ASB2: variants seen among roughly 807,000 people sequenced by gnomAD.
The protein encoded by ASB2 is ankyrin repeat and SOCS box containing 2.
A neutral mutation model predicts 62.4 loss-of-function variants in ASB2; 58 were observed. The observed-to-expected ratio is 0.93, with a 90% CI of 0.75 to 1.16. ASB2 has a LOEUF of 1.16. Ranked by LOEUF, ASB2 falls within the 50% of genes most tolerant of loss-of-function variation. ASB2 has a pLI of 0.00. For missense variants in ASB2, 928 were observed against 887.9 expected (o/e 1.05, Z -0.57); for synonymous variants, 386 against 385.3 (o/e 1.00, Z -0.02).
At chr14:93,964,016 C>G (rs1299568211) in intron 2 of ASB2, among the ~76,000 whole-genome samples, 2 of 152,152 alleles carry the variant, frequency 1.3e-5, no homozygotes, top group Non-Finnish European at 2.9e-5. Flanking sequence ...ATCTCGGCAG[C>G]ATTATCTACT....
chr14:93,936,602 A>T (rs1888278681), intron 9 of ASB2, among the ~76,000 whole-genome samples: 1 of 152,256 alleles, frequency 6.6e-6, no homozygotes, highest in South Asian at 2.1e-4. Context: ...AAAGGCTTCA[A>T]TTCAAGTGGC....
At position 93,957,197 on chromosome 14, in the gene ASB2, C is replaced by T. The variant is rs1296948275; in HGVS notation, c.207-327G>A. The T allele has an allele frequency of 9.1e-6, 12 of 1,313,020 alleles. No homozygotes were observed. In the Admixed American group the frequency reaches 1.1e-4, roughly 12 times the overall value. The allele number at this position is 1,313,020 out of a possible 1,614,324, so 81.3% of individuals were successfully genotyped here. A position where few individuals can be genotyped will look rare whatever the true frequency, so the allele number is the denominator to read the frequency against. ...AGATAGGAAGCAAGGTGACATTCTTCACCCAGGAGGATGTGAGCCGTGGTC... is the reference window on the plus strand; with the variant it reads ...AGATAGGAAGCAAGGTGACATTCTTTACCCAGGAGGATGTGAGCCGTGGTC... On this transcript the variant is annotated intron_variant, in intron 2 of 9. Coordinates refer to ENST00000555019, the MANE Select transcript of ASB2 (RefSeq NM_001202429.2).
At chr14:93,958,134 C>G (rs1031289711) in intron 2 of ASB2, among the ~76,000 whole-genome samples, 1 of 152,310 alleles carries the variant, frequency 6.6e-6, no homozygotes, top group East Asian at 1.9e-4. Flanking sequence ...TGCCTGCAGG[C>G]CTGGCTGCCT....
intron 2 of ASB2, among the ~76,000 whole-genome samples, chr14:93,962,316 G>A (rs1031112326): frequency 9.9e-5 from 15 of 151,776 alleles, no homozygotes; most frequent in African/African-American, 2.2e-4. Context: ...GGGTTTCACC[G>A]TTTTAGCCGG....
chr14:93,953,321 A>G (rs1364025968), intron 5 of ASB2, 31 bp downstream of exon 5: 8 of 1,513,026 alleles, frequency 5.3e-6, no homozygotes, highest in African/African-American at 2.8e-5. Context: ...ATTCTTCCGC[A>G]GGAAAGCTCA....
In ASB2 at chr14:93,953,495, G is replaced by A; in HGVS notation, c.491C>T (p.Thr164Ile). 1 of 1,590,376 alleles carries A rather than the reference G, an allele frequency of 6.3e-7. No homozygotes were observed. Among genetic ancestry groups the A allele is most frequent in the Non-Finnish European group, 8.6e-7 (1 of 1,162,386 alleles). The change falls in exon 5 of 10, where the codon ACC becomes ATC. Residue 164 changes from threonine to isoleucine, a missense_variant. Physicochemically the swap from Thr to Ile is moderately conservative, Grantham distance 89. Coordinates refer to ENST00000555019, the MANE Select transcript of ASB2 (RefSeq NM_001202429.2). Reference sequence around the variant, plus strand: ...CTCCTGCAGGGTGCGCTGGTCGATGGTCCCTGGGTACGCTAGGGAGGGCCC... The same window carrying A: ...CTCCTGCAGGGTGCGCTGGTCGATGATCCCTGGGTACGCTAGGGAGGGCCC... ...LKVLQRAYPGTIDQRTLQEET... is the reference protein window; with the variant it reads ...LKVLQRAYPGIIDQRTLQEET...
At position 93,939,310 on chromosome 14, in the gene ASB2, G is replaced by C. The variant is rs761722753; in HGVS notation, c.1415C>G (p.Ala472Gly). ...DHGANIDAYI[A>G]THPTAFPATI... is the part of the protein sequence containing the mutation. The stretch of plus-strand genomic sequence containing the variant: ...GGCGGGGAAGGCGGTGGGGTGCGTG[G>C]CGATATAGGCGTCGATGTTCGCGCC... Residue 472 changes from alanine (A) to glycine (G), a missense_variant, in exon 8 of 10, where the codon GCC becomes GGC. Physicochemically the swap from Ala to Gly is moderately conservative, Grantham distance 60. Transcript: ENST00000555019. The C allele has an allele frequency of 1.2e-6, 2 of 1,609,402 alleles. No homozygotes were observed. The highest frequency in any genetic ancestry group is 2.7e-5 in the African/African-American group (2 of 74,854).
At chr14:93,945,336 C>T (rs1057447522) in intron 7 of ASB2, among the ~76,000 whole-genome samples, 2 of 152,138 alleles carry the variant, frequency 1.3e-5, no homozygotes, top group African/African-American at 2.4e-5. Flanking sequence ...AGAAAGGAGC[C>T]GTCTTGTCCA....
chr14:93,961,145 C>T (rs999665269), intron 2 of ASB2, among the ~76,000 whole-genome samples: 7 of 152,136 alleles, frequency 4.6e-5, no homozygotes, highest in East Asian at 1.9e-4. Context: ...GAGGTCAATA[C>T]GAGCTGCAAG....
chr14:93,939,640 C>T lies in ASB2; in HGVS notation c.1085G>A (p.Arg362His), dbSNP rs1312443472. ...GACGCCGCTACGGCGTATGCGCGTG[C>T]GGCTGGTCACCGGCAGCAGCATCTG... is the stretch of plus-strand genomic sequence containing the variant. ...IVQMLLPVTS[R>H]TRIRRSGVSP... The change falls in exon 8 of 10, where the codon CGC becomes CAC. Residue 362 changes from arginine to histidine, a missense_variant. Arg to His is a conservative substitution (Grantham distance 29). Coordinates refer to ENST00000555019, the MANE Select transcript of ASB2 (RefSeq NM_001202429.2). 2 of 1,516,194 alleles carry T rather than the reference C, an allele frequency of 1.3e-6. No individual in the cohort carries two copies. The highest frequency in any genetic ancestry group is 2.5e-5 in the East Asian group (1 of 40,058). The allele number at this position is 1,516,194 out of a possible 1,614,324, so 93.9% of individuals were successfully genotyped here.
chr14:93,947,995 G>GAAAAAAAAAAAAAAAAAAAAAAAAAAAAA (rs55666799), intron 6 of ASB2, among the ~76,000 whole-genome samples: 1 of 72,478 alleles, frequency 1.4e-5, no homozygotes, highest in Non-Finnish European at 2.4e-5. Flanking sequence ...ACTCCGCCTG[G>GAAAAAAAAAAAAAAAAAAAAAAAAAAAAA]AAAAAAAAAA....
chr14:93,969,236 G>A (rs992595463), intron 1 of ASB2, among the ~76,000 whole-genome samples: 3 of 152,274 alleles, frequency 2.0e-5, no homozygotes, highest in African/African-American at 7.2e-5. Context: ...GGATGCAGTC[G>A]TAGGCTGGTG....
chr14:93,947,002 A>T (rs759444234), intron 7 of ASB2, among the ~76,000 whole-genome samples: 8 of 152,142 alleles, frequency 5.3e-5, no homozygotes, highest in Non-Finnish European at 8.8e-5. Context: ...AAGTCACTCA[A>T]CCTCTCTGTG....
chr14:93,938,932 C>G (rs1163055504), intron 8 of ASB2, among the ~76,000 whole-genome samples, 176 bp downstream of exon 8: 1 of 152,248 alleles, frequency 6.6e-6, no homozygotes, highest in African/African-American at 2.4e-5. Flanking sequence ...GCAGGTTAAC[C>G]ACCGTGCTCT....
At chr14:93,966,159 C>T (rs1889585656) in intron 1 of ASB2, among the ~76,000 whole-genome samples, 1 of 152,258 alleles carries the variant, frequency 6.6e-6, no homozygotes, top group Non-Finnish European at 1.5e-5. Context: ...GGCCAAACAG[C>T]TCCATTTTCA....
chr14:93,934,655 G>A lies in ASB2; in HGVS notation c.*1C>T. 6.2e-7 allele frequency: 1 copy of A among 1,614,092 alleles called. No homozygotes were observed. The highest frequency in any genetic ancestry group is 8.5e-7 in the Non-Finnish European group (1 of 1,179,978). On this transcript the variant is annotated 3_prime_UTR_variant, in exon 10 of 10. Coordinates refer to ENST00000555019, the MANE Select transcript of ASB2 (RefSeq NM_001202429.2). Reference sequence around the variant, plus strand: ...CTACTCCTCTCTCCCCGTGGCCCCAGTTACTGGGTGTTCTCGTATTTCAGG... The same window carrying A: ...CTACTCCTCTCTCCCCGTGGCCCCAATTACTGGGTGTTCTCGTATTTCAGG...
chr14:93,946,635 C>A (rs999849299), intron 7 of ASB2, among the ~76,000 whole-genome samples: 10 of 152,218 alleles, frequency 6.6e-5, no homozygotes, highest in African/African-American at 2.4e-4. Context: ...TCTGTCTCCA[C>A]AGGAGCCATG....
chr14:93,949,569 G>T (rs1039332258), intron 6 of ASB2, among the ~76,000 whole-genome samples: 1 of 152,242 alleles, frequency 6.6e-6, no homozygotes, highest in African/African-American at 2.4e-5. Flanking sequence ...TCCGGCCTGA[G>T]GGAGAGCCAG....
chr14:93,949,361 G>T (rs1888862442), intron 6 of ASB2, among the ~76,000 whole-genome samples: 1 of 152,236 alleles, frequency 6.6e-6, no homozygotes, highest in Admixed American at 6.5e-5. Flanking sequence ...AAGCTCTGCA[G>T]TCTCAGAAAG....
Sources: gnomAD v4.1 joint callset for allele counts (sites outside exome capture counted in the v4.1 genomes callset) on GRCh38, gnomAD v4.1.1 for gene constraint, MANE v1.5 for transcripts, NCBI Gene and HGNC (gene_info 2026-07-23, HGNC 2026-07-21) for gene names.